NUAK1: variants seen among roughly 807,000 people sequenced by gnomAD.
NUAK1 encodes the protein NUAK family kinase 1.
NUAK1 carries 26 observed loss-of-function variants against 56.9 expected under a neutral mutation model. That is an observed-to-expected ratio of 0.46 (90% CI 0.33 to 0.63). The LOEUF (loss-of-function observed/expected upper bound fraction) is 0.63. NUAK1 is among the 30% of genes least tolerant of loss of function. The pLI is 0.02. For synonymous variants in NUAK1, 337 were observed against 336.0 expected (o/e 1.00, Z -0.03); for missense variants, 727 against 876.1 (o/e 0.83, Z 2.15).
intron 1 of NUAK1, among the ~76,000 whole-genome samples, chr12:106,113,723 G>A (rs906589988): frequency 1.3e-5 from 2 of 150,486 alleles, no homozygotes; most frequent in Admixed American, 6.6e-5. Flanking sequence ...TATACACAGA[G>A]GAATTAAACA....
Position 106,066,785 on chromosome 12 carries a change from CT to C in NUAK1, c.*16del. On this transcript the variant is annotated 3_prime_UTR_variant, in exon 7 of 7. Transcript: ENST00000261402. ...TCCTCCCTCGTACCCCCGCCCGCCC[CT>C]GGGCGCCCTGGAATGCTAGTTGAGC... 2.5e-6 allele frequency: 4 copies of C among 1,592,070 alleles called. No homozygotes were observed. Among genetic ancestry groups the C allele is most frequent in the Non-Finnish European group, 1.7e-6 (2 of 1,166,504 alleles).
At chr12:106,134,504 G>A (rs2033110089) in intron 1 of NUAK1, among the ~76,000 whole-genome samples, 1 of 152,174 alleles carries the variant, frequency 6.6e-6, no homozygotes. Context: ...CACCAGTCCT[G>A]CCACTCCCAT....
chr12:106,136,568 G>T (rs1268119537), intron 1 of NUAK1, among the ~76,000 whole-genome samples: 2 of 152,190 alleles, frequency 1.3e-5, no homozygotes, highest in African/African-American at 4.8e-5. Context: ...CATAAGACAA[G>T]GGTTCGTTCG....
chr12:106,122,483 T>G (rs910650449), intron 1 of NUAK1, among the ~76,000 whole-genome samples: 1 of 152,208 alleles, frequency 6.6e-6, no homozygotes, highest in South Asian at 2.1e-4. Flanking sequence ...CTGACATGCT[T>G]AGACTATCGC....
intron 4 of NUAK1, among the ~76,000 whole-genome samples, chr12:106,082,814 A>G (rs1352286616): frequency 2.0e-5 from 3 of 152,118 alleles, no homozygotes; most frequent in African/African-American, 7.2e-5. Flanking sequence ...GCAAGGAAAC[A>G]AGTCTCATCA....
chr12:106,136,310 C>A (rs1307874435), intron 1 of NUAK1, among the ~76,000 whole-genome samples: 1 of 152,194 alleles, frequency 6.6e-6, no homozygotes, highest in Non-Finnish European at 1.5e-5. Context: ...AACAATAACA[C>A]AGCGGGACTT....
chr12:106,119,686 G>A (rs923073827), intron 1 of NUAK1, among the ~76,000 whole-genome samples: 4 of 151,998 alleles, frequency 2.6e-5, no homozygotes, highest in African/African-American at 7.3e-5. Context: ...CACTATTTTC[G>A]CTAAGGGAAA....
Position 106,067,115 on chromosome 12 carries a change from G to C in NUAK1, c.1673C>G (p.Ala558Gly). The part of the protein sequence containing the change: ...LESLSEPGVP[A>G]EGLSRSYSRP... ...GCTGTAGCTCCGGGAGAGGCCCTCG[G>C]CAGGGACACCAGGCTCTGACAGGGA... The change falls in exon 7 of 7, where the codon GCC becomes GGC. Residue 558 changes from alanine to glycine, a missense_variant. Coordinates refer to ENST00000261402, the MANE Select transcript of NUAK1 (RefSeq NM_014840.3). The surrounding 1 kb of genome is among the most constrained non-coding windows in gnomAD (Gnocchi z 6.0). The C allele has an allele frequency of 6.2e-7, 1 of 1,614,240 alleles. No individual in the cohort carries two copies. Among genetic ancestry groups the C allele is most frequent in the Non-Finnish European group, 8.5e-7 (1 of 1,180,032 alleles).
At chr12:106,117,927 G>A (rs900795526) in intron 1 of NUAK1, among the ~76,000 whole-genome samples, 2 of 152,204 alleles carry the variant, frequency 1.3e-5, no homozygotes, top group African/African-American at 4.8e-5. Context: ...TGGCTCTATA[G>A]TAGTAGACTT....
chr12:106,133,927 A>G (rs962894306), intron 1 of NUAK1, among the ~76,000 whole-genome samples: 2 of 152,240 alleles, frequency 1.3e-5, no homozygotes, highest in African/African-American at 4.8e-5. Flanking sequence ...TGAGTAGCAC[A>G]TGGCAGATGG....
At chr12:106,130,217 G>A (rs570988277) in intron 1 of NUAK1, among the ~76,000 whole-genome samples, 21 of 152,202 alleles carry the variant, frequency 1.4e-4, no homozygotes, top group South Asian at 2.1e-4. Context: ...CCCAACCTCC[G>A]GTGATCCACC....
chr12:106,120,375 C>G (rs951887106), intron 1 of NUAK1, among the ~76,000 whole-genome samples: 2 of 152,192 alleles, frequency 1.3e-5, no homozygotes, highest in Non-Finnish European at 2.9e-5. Context: ...GCCCAACATC[C>G]AGTATATGCT....
chr12:106,103,567 AC>A (rs1204455748), intron 2 of NUAK1, among the ~76,000 whole-genome samples: 1 of 152,096 alleles, frequency 6.6e-6, no homozygotes, highest in East Asian at 1.9e-4. Flanking sequence ...TTCCTTCAAG[AC>A]CCAGCCCAAA....
intron 2 of NUAK1, among the ~76,000 whole-genome samples, chr12:106,090,022 T>C (rs1446773067): frequency 1.3e-5 from 2 of 152,172 alleles, no homozygotes; most frequent in East Asian, 1.9e-4. Context: ...TACTTGATGG[T>C]CCTCAGAGAG....
intron 4 of NUAK1, among the ~76,000 whole-genome samples, chr12:106,081,410 G>A (rs1263904878): frequency 6.6e-6 from 1 of 152,192 alleles, no homozygotes; most frequent in Non-Finnish European, 1.5e-5. Flanking sequence ...TTTCTCTTTG[G>A]GACGTATGTG....
At chr12:106,123,493 C>A (rs778984540) in intron 1 of NUAK1, among the ~76,000 whole-genome samples, 1 of 152,060 alleles carries the variant, frequency 6.6e-6, no homozygotes, top group Non-Finnish European at 1.5e-5. Context: ...TTAGACAGTG[C>A]AGGTCGAGAG....
At chr12:106,133,220 A>AAT (rs369811155) in intron 1 of NUAK1, among the ~76,000 whole-genome samples, 2 of 152,106 alleles carry the variant, frequency 1.3e-5, no homozygotes, top group African/African-American at 4.8e-5. Flanking sequence ...CAAGTGAATG[A>AAT]ATGCCTTGGA....
intron 4 of NUAK1, among the ~76,000 whole-genome samples, chr12:106,076,149 T>G (rs2032462990): frequency 6.6e-6 from 1 of 152,184 alleles, no homozygotes; most frequent in East Asian, 1.9e-4. Context: ...TTAAACATCA[T>G]AAAACAAAAT....
intron 1 of NUAK1, among the ~76,000 whole-genome samples, chr12:106,114,523 G>A (rs1015000229): frequency 6.6e-6 from 1 of 152,224 alleles, no homozygotes; most frequent in Non-Finnish European, 1.5e-5. Flanking sequence ...AATGAGGACT[G>A]TTATCATGAG....
Sources: gnomAD v4.1 joint callset for allele counts (sites outside exome capture counted in the v4.1 genomes callset) on GRCh38, gnomAD v4.1.1 for gene constraint, Gnocchi (gnomAD v3.1) non-coding constraint, MANE v1.5 for transcripts, NCBI Gene and HGNC (gene_info 2026-07-23, HGNC 2026-07-21) for gene names.